Variants in PARD3B observed in about 807,000 individuals in gnomAD.
PARD3B encodes partitioning defective 3 homolog B.
A neutral mutation model predicts 130.2 loss-of-function variants in PARD3B; 103 were observed. That is an observed-to-expected ratio of 0.79 (90% CI 0.67 to 0.93). The LOEUF is 0.93. PARD3B is among the 40% of genes least tolerant of loss of function. The pLI, the probability that PARD3B is intolerant of heterozygous loss-of-function variation, is 0.00. For missense variants in PARD3B, 1,609 were observed against 1,499.2 expected, an observed-to-expected ratio of 1.07 and a Z score of -1.21; for synonymous variants, 583 against 553.2, an observed-to-expected ratio of 1.05 and a Z score of -0.76.
chr2:205,311,751 G>T (rs1195257026), intron 18 of PARD3B, among the ~76,000 whole-genome samples: 2 of 152,228 alleles, frequency 1.3e-5, no homozygotes, highest in Non-Finnish European at 2.9e-5. Flanking sequence ...CTTTCTCAAT[G>T]TAACCATGAA....
At chr2:204,713,541 A>C (rs554953260) in intron 2 of PARD3B, among the ~76,000 whole-genome samples, 9 of 152,040 alleles carry the variant, frequency 5.9e-5, no homozygotes, top group African/African-American at 1.2e-4. Flanking sequence ...CTCTGTGCCC[A>C]TTAAACACTA....
rs189144504 is a variant in PARD3B, at chr2:205,309,348, C to A, written c.2630+7647C>A. On this transcript the variant is annotated intron_variant, in intron 18 of 22. Transcript: ENST00000406610. This position sits in a 1 kb window ranked among gnomAD's most constrained non-coding sequence, Gnocchi z 4.7. ...AGCATACCTCAAAGATAGACTAGTT[C>A]GGTTACATAGTGGAGCATCAGACAA... Among the ~76,000 whole-genome samples, 1 of 152,136 alleles carries A rather than the reference C, an allele frequency of 6.6e-6. No individual in the cohort carries two copies. Among genetic ancestry groups the A allele is most frequent in the Non-Finnish European group, 1.5e-5 (1 of 68,034 alleles).
At chr2:205,186,881 T>C (rs2036132624) in intron 14 of PARD3B, among the ~76,000 whole-genome samples, 1 of 152,184 alleles carries the variant, frequency 6.6e-6, no homozygotes, top group Non-Finnish European at 1.5e-5. Context: ...GAATTGAAAA[T>C]GACAATTTGG....
chr2:205,023,831 T>G (rs1006817916), intron 3 of PARD3B, among the ~76,000 whole-genome samples: 4 of 152,120 alleles, frequency 2.6e-5, no homozygotes, highest in African/African-American at 4.8e-5. Context: ...AAAACAGATG[T>G]GTATTTACTT....
intron 16 of PARD3B, among the ~76,000 whole-genome samples, chr2:205,254,088 TA>T (rs11287171): frequency 0.098 from 7,468 of 75,922 alleles, 538 homozygotes; most frequent in African/African-American, 0.28. Context: ...GTAGAGAAAT[TA>T]AAAAAAAAAA....
chr2:205,050,406 A>G (rs114448426), intron 4 of PARD3B, among the ~76,000 whole-genome samples: 1,573 of 151,678 alleles, frequency 0.01, 18 homozygotes, highest in African/African-American at 0.034. Flanking sequence ...GTGTGTGTGT[A>G]TATATGTGTG....
intron 14 of PARD3B, among the ~76,000 whole-genome samples, chr2:205,189,203 T>C (rs2036260592): frequency 1.3e-5 from 2 of 152,194 alleles, no homozygotes; most frequent in African/African-American, 4.8e-5. Flanking sequence ...CTCTCACTCA[T>C]AGAAGCCAAT....
chr2:204,560,035 T>C (rs889906349), intron 1 of PARD3B, among the ~76,000 whole-genome samples: 5 of 151,696 alleles, frequency 3.3e-5, no homozygotes, highest in African/African-American at 7.3e-5. Context: ...CTGGGGCCTG[T>C]TGTGGGGTGG....
chr2:204,951,415 C>T (rs978582347), intron 2 of PARD3B, among the ~76,000 whole-genome samples: 1 of 152,124 alleles, frequency 6.6e-6, no homozygotes, highest in Non-Finnish European at 1.5e-5. Context: ...CTAAAATCGT[C>T]CTGCCAGCAA....
intron 10 of PARD3B, among the ~76,000 whole-genome samples, chr2:205,143,452 A>G (rs2033130992): frequency 6.6e-6 from 1 of 152,210 alleles, no homozygotes; most frequent in East Asian, 1.9e-4. Flanking sequence ...CAGGGAAGAA[A>G]GAAGTCCTGC....
chr2:204,900,162 G>A (rs2046804376), intron 2 of PARD3B, among the ~76,000 whole-genome samples: 1 of 151,932 alleles, frequency 6.6e-6, no homozygotes, highest in African/African-American at 2.4e-5. Context: ...CTTTAGGTTT[G>A]GGAAATTCTC....
At chr2:204,757,171 A>G (rs1340385089) in intron 2 of PARD3B, among the ~76,000 whole-genome samples, 3 of 152,146 alleles carry the variant, frequency 2.0e-5, no homozygotes, top group Non-Finnish European at 4.4e-5. Flanking sequence ...GTTTATGGGC[A>G]CCTGGGTTGA....
At chr2:205,112,257 G>A (rs537713703) in intron 5 of PARD3B, among the ~76,000 whole-genome samples, 2 of 152,128 alleles carry the variant, frequency 1.3e-5, no homozygotes, top group Admixed American at 1.3e-4. Context: ...GAAAACTGAT[G>A]TGCTCCTTTT....
intron 2 of PARD3B, among the ~76,000 whole-genome samples, chr2:204,861,156 A>T (rs1018331124): frequency 9.2e-5 from 12 of 130,346 alleles, no homozygotes; most frequent in Non-Finnish European, 1.8e-4. Context: ...TTGCTACCTA[A>T]TACCTTTCTC....
chr2:204,546,901 T>G (rs2125037419), intron 1 of PARD3B, among the ~76,000 whole-genome samples: 1 of 152,334 alleles, frequency 6.6e-6, no homozygotes, highest in South Asian at 2.1e-4. Context: ...GCACTAGAAC[T>G]TATGCCAAGT....
At chr2:204,950,158 C>A (rs1242962009) in intron 2 of PARD3B, among the ~76,000 whole-genome samples, 1 of 152,168 alleles carries the variant, frequency 6.6e-6, no homozygotes, top group Non-Finnish European at 1.5e-5. Context: ...GGCTTCTAGT[C>A]CTGGCTTTAT....
At chr2:205,598,421 A>G (rs147478172) in intron 22 of PARD3B, among the ~76,000 whole-genome samples, 2 of 152,304 alleles carry the variant, frequency 1.3e-5, no homozygotes, top group South Asian at 4.1e-4. Flanking sequence ...ACACTTAACT[A>G]TCTTAAATAC....
chr2:205,174,857 A>G (rs1457320858), intron 12 of PARD3B, among the ~76,000 whole-genome samples: 1 of 152,228 alleles, frequency 6.6e-6, no homozygotes, highest in African/African-American at 2.4e-5. Context: ...ATACATAATG[A>G]GCCCTTGATT....
chr2:205,255,649 A>G (rs564966950), intron 16 of PARD3B, among the ~76,000 whole-genome samples: 7 of 152,282 alleles, frequency 4.6e-5, no homozygotes, highest in South Asian at 4.1e-4. Flanking sequence ...ATTCTAGAGT[A>G]GCTCACAGAA....
Sources: allele counts gnomAD v4.1 joint callset (sites outside exome capture counted in the v4.1 genomes callset), GRCh38; gene constraint gnomAD v4.1.1; non-coding constraint Gnocchi (gnomAD v3.1); transcripts MANE v1.5; gene names NCBI Gene and HGNC (gene_info 2026-07-23, HGNC 2026-07-21).